The following DGKB variants were observed in gnomAD, a reference collection of about 807,000 sequenced individuals.
The protein encoded by DGKB is 90 kDa diacylglycerol kinase.
DGKB carries 67 observed loss-of-function variants against 114.3 expected under a neutral mutation model. That is an observed-to-expected ratio of 0.59 (90% CI 0.48 to 0.72). The LOEUF (loss-of-function observed/expected upper bound fraction) is 0.72, where lower values mean the gene tolerates loss of function less well. Ranked by LOEUF, DGKB falls within the 30% of genes least tolerant of loss-of-function variation. DGKB has a pLI of 0.00. For synonymous variants in DGKB, 398 were observed against 323.1 expected (o/e 1.23, Z -2.49); for missense variants, 907 against 975.2 (o/e 0.93, Z 0.93).
At chr7:14,261,701 A>G (rs911873245) in intron 23 of DGKB, among the ~76,000 whole-genome samples, 3 of 152,210 alleles carry the variant, frequency 2.0e-5, no homozygotes, top group Admixed American at 2.0e-4. Flanking sequence ...AAACAAAAAC[A>G]TAGTTTATAT....
At chr7:14,548,311 A>T (rs565114133) in intron 20 of DGKB, among the ~76,000 whole-genome samples, 1 of 152,330 alleles carries the variant, frequency 6.6e-6, no homozygotes, top group East Asian at 1.9e-4. Context: ...AACAGGTGCA[A>T]CTGAGAAACA....
intron 20 of DGKB, among the ~76,000 whole-genome samples, chr7:14,519,183 C>T (rs1052894948): frequency 2.0e-5 from 3 of 151,976 alleles, no homozygotes; most frequent in Non-Finnish European, 2.9e-5. Context: ...TGTAACTATA[C>T]CAAAATTCCA....
intron 1 of DGKB, among the ~76,000 whole-genome samples, chr7:14,909,919 T>C (rs144402690): frequency 1.3e-5 from 2 of 152,062 alleles, no homozygotes; most frequent in African/African-American, 2.4e-5. Context: ...ATCAAAATCA[T>C]GTATTAGCTG....
Position 14,910,310 on chromosome 7 carries a change from GAAAGAAC to G in DGKB, c.-188+64379_-188+64385del, listed in dbSNP as rs1177965818. The stretch of plus-strand genomic sequence containing the variant: ...AGAAAGAAAGAAAGAAAGAAAGAAA[GAAAGAAC>G]CTTATATATTAGGAGAAGGCAAAAA... On this transcript the variant is annotated intron_variant, in intron 1 of 4. Coordinates refer to the DGKB transcript ENST00000437998. Among the ~76,000 whole-genome samples, 3 of 119,448 alleles carry G rather than the reference GAAAGAAC, an allele frequency of 2.5e-5. No individual in the cohort carries two copies. The East Asian group carries it at 7.2e-4, about 29-fold the overall frequency. The allele number at this position is 119,448 out of a possible 152,430, so 78.4% of individuals were successfully genotyped here. A position where few individuals can be genotyped will look rare whatever the true frequency, so the allele number is the denominator to read the frequency against.
At chr7:14,890,805 A>T (rs7788826) in intron 1 of DGKB, among the ~76,000 whole-genome samples, 61,121 of 150,118 alleles carry the variant, frequency 0.41, 13,070 homozygotes, top group East Asian at 0.63. Context: ...AATAACGTTC[A>T]TCCCTCCTCT....
intron 1 of DGKB, among the ~76,000 whole-genome samples, chr7:14,889,382 C>A (rs919878695): frequency 1.3e-5 from 2 of 151,642 alleles, no homozygotes; most frequent in African/African-American, 4.8e-5. Context: ...AAAGGGCTAG[C>A]CCCTTTAGGG....
At chr7:14,471,798 A>C (rs1157131721) in intron 21 of DGKB, among the ~76,000 whole-genome samples, 1 of 152,256 alleles carries the variant, frequency 6.6e-6, no homozygotes, top group South Asian at 2.1e-4. Flanking sequence ...TATAGAGAAG[A>C]TAAATATACC....
At chr7:14,509,638 G>T (rs1253181156) in intron 20 of DGKB, among the ~76,000 whole-genome samples, 2 of 152,166 alleles carry the variant, frequency 1.3e-5, no homozygotes, top group African/African-American at 4.8e-5. Flanking sequence ...CCTCTCATCT[G>T]CCCTAAGAAC....
chr7:14,760,645 T>C (rs912742360), intron 2 of DGKB, among the ~76,000 whole-genome samples: 1 of 151,968 alleles, frequency 6.6e-6, no homozygotes, highest in African/African-American at 2.4e-5. Flanking sequence ...TTCTGGAATA[T>C]CATATCTCGA....
At chr7:14,653,407 A>G (rs1252456161) in intron 13 of DGKB, among the ~76,000 whole-genome samples, 1 of 152,162 alleles carries the variant, frequency 6.6e-6, no homozygotes, top group Non-Finnish European at 1.5e-5. Flanking sequence ...CTGCAAGAAC[A>G]AAAAACCAAA....
intron 13 of DGKB, among the ~76,000 whole-genome samples, chr7:14,664,460 T>C (rs78144749): frequency 0.022 from 3,302 of 152,092 alleles, 117 homozygotes; most frequent in African/African-American, 0.076. Flanking sequence ...CTCATATTTA[T>C]ATTGGATAAA....
chr7:14,565,837 T>C (rs1348264246), intron 20 of DGKB, among the ~76,000 whole-genome samples: 1 of 152,174 alleles, frequency 6.6e-6, no homozygotes, highest in African/African-American at 2.4e-5. Context: ...TCATTCGCCA[T>C]GTGACCACCA....
At chr7:14,616,408 C>T (rs1157547376) in intron 15 of DGKB, among the ~76,000 whole-genome samples, 1 of 151,356 alleles carries the variant, frequency 6.6e-6, no homozygotes, top group Non-Finnish European at 1.5e-5. Flanking sequence ...TGGATTGTAT[C>T]CAATCTGTCT....
chr7:14,423,106 TG>T (rs771815210), intron 21 of DGKB, among the ~76,000 whole-genome samples: 3 of 152,034 alleles, frequency 2.0e-5, no homozygotes, highest in Non-Finnish European at 4.4e-5. Flanking sequence ...CAGTATGATT[TG>T]GTTAAATTAG....
At chr7:14,939,059 AT>A (rs34216130) in intron 1 of DGKB, among the ~76,000 whole-genome samples, 22,718 of 151,766 alleles carry the variant, frequency 0.15, 1,870 homozygotes, top group Non-Finnish European at 0.19. Context: ...GCCTTTCTCT[AT>A]TTTTTTTCTC....
At chr7:14,925,538 G>C (rs36858) in intron 1 of DGKB, among the ~76,000 whole-genome samples, 20,928 of 151,948 alleles carry the variant, frequency 0.14, 1,670 homozygotes, top group Non-Finnish European at 0.19. Flanking sequence ...TCATGAATAT[G>C]GTATGTCTTA....
intron 23 of DGKB, among the ~76,000 whole-genome samples, chr7:14,192,822 G>C (rs1414780215): frequency 6.6e-6 from 1 of 151,968 alleles, no homozygotes; most frequent in Non-Finnish European, 1.5e-5. Context: ...TGTTGAGTCA[G>C]TGGGACCCCT....
At chr7:14,297,364 G>T (rs1225229425) in intron 23 of DGKB, among the ~76,000 whole-genome samples, 2 of 152,138 alleles carry the variant, frequency 1.3e-5, no homozygotes, top group Non-Finnish European at 2.9e-5. Context: ...CCACAGTCAA[G>T]TCAGTTGCAT....
At chr7:14,814,478 C>A (rs767500208) in intron 2 of DGKB, among the ~76,000 whole-genome samples, 2 of 152,080 alleles carry the variant, frequency 1.3e-5, no homozygotes, top group Non-Finnish European at 2.9e-5. Flanking sequence ...GTCAGGAATT[C>A]TGTTATTGTG....
Sources: allele counts gnomAD v4.1 joint callset (sites outside exome capture counted in the v4.1 genomes callset), GRCh38; gene constraint gnomAD v4.1.1; transcripts MANE v1.5; gene names NCBI Gene and HGNC (gene_info 2026-07-23, HGNC 2026-07-21).